APOL4: variants seen among roughly 807,000 people sequenced by gnomAD.
The protein encoded by APOL4 is apolipoprotein L4.
In APOL4, 14 loss-of-function variants were observed where a neutral mutation model predicts 12.1. The observed-to-expected ratio is 1.16, with a 90% confidence interval of 0.76 to 1.81. APOL4 has a LOEUF of 1.81. Among genes scored for constraint, APOL4 ranks in the 40% most tolerant of loss-of-function variants. APOL4 has a pLI of 0.00. For synonymous variants in APOL4, 171 were observed against 160.6 expected (o/e 1.06, Z -0.49); for missense variants, 432 against 423.1 (o/e 1.02, Z -0.18).
intron 2 of APOL4, chr22:36,197,617 G>T (rs896738503): frequency 6.5e-7 from 1 of 1,530,526 alleles, no homozygotes; most frequent in African/African-American, 1.4e-5. Flanking sequence ...AATCTGAACT[G>T]GGGTCATATC....
At position 36,189,915 on chromosome 22, in the gene APOL4, T is replaced by G. The variant is rs1399821802; in HGVS notation, c.*1160A>C. ...CTTTACCTCGCCCTCTTTATTCCCCTAAAAAATGTCTGCGTTTTGTCCCGG... is the reference window on the plus strand; with the variant it reads ...CTTTACCTCGCCCTCTTTATTCCCCGAAAAAATGTCTGCGTTTTGTCCCGG... On this transcript the variant is annotated 3_prime_UTR_variant, in exon 4 of 4. Transcript: ENST00000683024. 1 of 184,730 alleles carries G rather than the reference T, an allele frequency of 5.4e-6. No homozygotes were observed. The highest frequency in any genetic ancestry group is 1.2e-5 in the Non-Finnish European group (1 of 85,782). 11.4% of individuals were successfully genotyped at this position (184,730 alleles called of 1,614,324 possible). A position where few individuals can be genotyped will look rare whatever the true frequency, so the allele number is the denominator to read the frequency against.
At chr22:36,204,702 G>T (rs910464511), upstream of APOL4, 5 of 496,552 alleles carry the variant, frequency 1.0e-5, no homozygotes, top group African/African-American at 6.7e-5. Context: ...CTCCAGCTGT[G>T]CACCTATATA....
intron 2 of APOL4, chr22:36,197,937 A>T (rs2014461832): frequency 7.1e-7 from 1 of 1,398,834 alleles, no homozygotes; most frequent in Non-Finnish European, 9.3e-7. Context: ...TCCTTGTCCC[A>T]CACCCACCTG....
chr22:36,197,586 C>CA (rs2014447759), intron 2 of APOL4: 3 of 1,477,832 alleles, frequency 2.0e-6, no homozygotes, highest in Non-Finnish European at 2.7e-6. Context: ...GCTGTAACCC[C>CA]CCATGAAACT....
In APOL4 at chr22:36,191,695, C is replaced by A. The variant is rs776344717; in HGVS notation, c.427G>T (p.Val143Leu). 2 of 1,614,066 alleles carry A rather than the reference C, an allele frequency of 1.2e-6. No individual in the cohort carries two copies. The highest frequency in any genetic ancestry group is 8.5e-7 in the Non-Finnish European group (1 of 1,179,908). Residue 143 changes from valine to leucine, a missense_variant, in exon 4 of 4, where the codon GTG (valine) becomes TTG (leucine). By Grantham distance (32) the Val-to-Leu change is conservative. Coordinates refer to ENST00000683024, the MANE Select transcript of APOL4 (RefSeq NM_001386885.1). ...GACAGGATGCCAGTGGAGCCAGACA[C>A]CACATTGGCGATGACGCAGCCTCTG... ...VHRGCVIANV[V>L]SGSTGILSVI...
Position 36,201,748 on chromosome 22 carries a change from T to C in APOL4, c.-14A>G, listed in dbSNP as rs1446515196. 24 of 1,605,300 alleles carry C rather than the reference T, an allele frequency of 1.5e-5. No homozygotes were observed. The highest frequency in any genetic ancestry group is 2.0e-5 in the Non-Finnish European group (23 of 1,176,118). On this transcript the variant is annotated 5_prime_UTR_variant, in exon 1 of 4. Coordinates refer to ENST00000683024, the MANE Select transcript of APOL4 (RefSeq NM_001386885.1). Reference sequence around the variant, plus strand: ...CCAGGATCCCATCCTCCTTGGTCATTGTTGGCCTGGCTCAGACGCTGATCT... The same window carrying C: ...CCAGGATCCCATCCTCCTTGGTCATCGTTGGCCTGGCTCAGACGCTGATCT...
chr22:36,196,810 G>C (rs939328916), intron 2 of APOL4, among the ~76,000 whole-genome samples: 2 of 152,198 alleles, frequency 1.3e-5, no homozygotes, highest in African/African-American at 4.8e-5. Flanking sequence ...CAAGGCCAGC[G>C]TTCCCTTGCC....
At position 36,191,855 on chromosome 22, in the gene APOL4, A is replaced by G; in HGVS notation, c.267T>C (p.Ile89=). 1 of 1,612,970 alleles carries G rather than the reference A, an allele frequency of 6.2e-7. No homozygotes were observed. Among genetic ancestry groups the G allele is most frequent in the Non-Finnish European group, 8.5e-7 (1 of 1,179,936 alleles). Residue 89 remains isoleucine (I), a synonymous_variant, in exon 4 of 4, where the codon ATT becomes ATC. Transcript: ENST00000683024. ...ALKNLTPYVA[I]EDKDMQQKEQ... The stretch of plus-strand genomic sequence containing the variant: ...CTTTTTGCTGCATGTCTTTGTCCTC[A>G]ATAGCCACATATGGTGTAAGATTCT...
rs113185055 is a variant in APOL4, at chr22:36,201,809, T to C, written c.-75A>G. On this transcript the variant is annotated 5_prime_UTR_variant, in exon 1 of 4. Coordinates refer to ENST00000683024, the MANE Select transcript of APOL4 (RefSeq NM_001386885.1). ...CTGAATGTTGAGGCTGGATACTGAC[T>C]GTTAGCCTCAACTAGGACACAGTGC... 6.7e-5 allele frequency: 106 copies of C among 1,575,622 alleles called. No homozygotes were observed. The Middle Eastern group carries it at 9.9e-4, about 15-fold the overall frequency.
intron 3 of APOL4, 116 bp from the exon 4 acceptor site, chr22:36,192,028 A>G: frequency 2.0e-6 from 2 of 994,770 alleles, no homozygotes; most frequent in Non-Finnish European, 2.9e-6. Flanking sequence ...AAATGGAAGT[A>G]AAGTTCTAAA....
intron 2 of APOL4, among the ~76,000 whole-genome samples, chr22:36,198,843 A>G (rs575066473): frequency 4.9e-4 from 74 of 152,220 alleles, no homozygotes; most frequent in Non-Finnish European, 8.4e-4. Context: ...CCACAGGGCC[A>G]CTCAGAGCAG....
At chr22:36,192,308 C>G (rs2014282480) in intron 3 of APOL4, among the ~76,000 whole-genome samples, 1 of 152,152 alleles carries the variant, frequency 6.6e-6, no homozygotes, top group Admixed American at 6.5e-5. Flanking sequence ...CCACTGCACT[C>G]CAGCCTGGGC....
At chr22:36,192,137 G>A (rs966821124) in intron 3 of APOL4, among the ~76,000 whole-genome samples, 2 of 152,116 alleles carry the variant, frequency 1.3e-5, no homozygotes, top group African/African-American at 4.8e-5. Context: ...TCAGGAGATC[G>A]AGACCATCCT....
chr22:36,191,933 T>C (rs768140960), intron 3 of APOL4, 21 bp from the exon 4 acceptor site: 1 of 1,546,952 alleles, frequency 6.5e-7, no homozygotes, highest in Non-Finnish European at 8.7e-7. Flanking sequence ...AAAGGACAGA[T>C]GATTAAGAAA....
Position 36,191,367 on chromosome 22 carries a change from G to A in APOL4, c.755C>T (p.Ala252Val). 6.2e-7 allele frequency: 1 copy of A among 1,614,048 alleles called. No individual in the cohort carries two copies. The highest frequency in any genetic ancestry group is 1.3e-5 in the African/African-American group (1 of 75,038). ...NDVHTLRRSKATVGRPLIAWR... is the reference protein window; with the variant it reads ...NDVHTLRRSKVTVGRPLIAWR... The stretch of plus-strand genomic sequence containing the variant: ...AGCAATCAAAGGGCGTCCAACAGTG[G>A]CTTTAGATCTCCTGAGTGTATGGAC... The change falls in exon 4 of 4, where the codon GCC becomes GTC. Residue 252 changes from alanine (A) to valine (V), a missense_variant. Physicochemically the swap from Ala to Val is moderately conservative, Grantham distance 64. Coordinates refer to ENST00000683024, the MANE Select transcript of APOL4 (RefSeq NM_001386885.1).
At chr22:36,204,629 A>C (rs1356804466), upstream of APOL4, 8 of 690,306 alleles carry the variant, frequency 1.2e-5, no homozygotes, top group South Asian at 1.3e-4. Flanking sequence ...CCAACTTACC[A>C]AGGGATCTTC....
At chr22:36,195,770 T>TCA (rs1294624840) in intron 2 of APOL4, among the ~76,000 whole-genome samples, 150 of 90,192 alleles carry the variant, frequency 1.7e-3, no homozygotes, top group African/African-American at 6.6e-3. Flanking sequence ...TCTCTCTCTC[T>TCA]CTCTCTCACA....
chr22:36,197,551 C>T lies in APOL4; in HGVS notation c.82+1779G>A, dbSNP rs2014446775. ...CAGACCTGAAACATTCCCGGGCAAA[C>T]AAAACCAACCAGACCTTCAGAACAG... On this transcript the variant is annotated intron_variant, in intron 2 of 3. Transcript: ENST00000683024. 2.2e-6 allele frequency: 3 copies of T among 1,394,650 alleles called. No individual in the cohort carries two copies. The Admixed American group carries it at 9.6e-5, about 45-fold the overall frequency. The allele number at this position is 1,394,650 out of a possible 1,614,324, so 86.4% of individuals were successfully genotyped here. A position where few individuals can be genotyped will look rare whatever the true frequency, so the allele number is the denominator to read the frequency against.
At position 36,195,437 on chromosome 22, in the gene APOL4, T is replaced by C; in HGVS notation, c.83A>G (p.Glu28Gly). The change falls in exon 3 of 4, where the codon GAA becomes GGA. Residue 28 changes from glutamate to glycine, a missense_variant and splice_region_variant. Transcript: ENST00000683024. ...GACTTCTTCAGTGAAGCGTTTCTTT[T>C]CTAGTTGGAAACAAAAAGGATAAGA... Reference protein sequence around the residue: ...PGWTVAGQFQEKKRFTEEVIE... With the variant: ...PGWTVAGQFQGKKRFTEEVIE... 6.2e-7 allele frequency: 1 copy of C among 1,612,812 alleles called. No homozygotes were observed. Among genetic ancestry groups the C allele is most frequent in the Non-Finnish European group, 8.5e-7 (1 of 1,179,376 alleles).
Sources: allele counts gnomAD v4.1 joint callset (sites outside exome capture counted in the v4.1 genomes callset), GRCh38; gene constraint gnomAD v4.1.1; transcripts MANE v1.5; gene names NCBI Gene and HGNC (gene_info 2026-07-23, HGNC 2026-07-21).